The following DHRS7B variants were observed in gnomAD, a reference collection of about 807,000 sequenced individuals.
The protein encoded by DHRS7B is dehydrogenase/reductase 7B.
Under a neutral mutation model 26.4 loss-of-function variants are expected in DHRS7B, and 24 were observed. That is an observed-to-expected ratio of 0.91 (90% CI 0.66 to 1.28). The LOEUF (loss-of-function observed/expected upper bound fraction) is 1.28. Among genes scored for constraint, DHRS7B ranks in the 50% most tolerant of loss-of-function variants. The pLI is 0.00. For missense variants in DHRS7B, 368 were observed against 419.4 expected (o/e 0.88, Z 1.07); for synonymous variants, 142 against 166.4 (o/e 0.85, Z 1.13).
chr17:21,156,425 G>C (rs553550953), intron 1 of DHRS7B, among the ~76,000 whole-genome samples: 2 of 152,084 alleles, frequency 1.3e-5, no homozygotes, highest in African/African-American at 4.8e-5. Flanking sequence ...GGCCAACATG[G>C]TGAAACCACA....
At chr17:21,159,699 CT>C (rs1973958393) in intron 1 of DHRS7B, among the ~76,000 whole-genome samples, 4 of 151,674 alleles carry the variant, frequency 2.6e-5, no homozygotes, top group Admixed American at 1.3e-4. Context: ...TGGCAAGACC[CT>C]GTCTCTGCAA....
chr17:21,146,369 C>G (rs957840837), intron 1 of DHRS7B, among the ~76,000 whole-genome samples: 1 of 152,138 alleles, frequency 6.6e-6, no homozygotes, highest in East Asian at 1.9e-4. Context: ...CTACTGCACT[C>G]CAGCCTGGGT....
intron 1 of DHRS7B, among the ~76,000 whole-genome samples, chr17:21,156,478 AC>A (rs1973883073): frequency 1.3e-5 from 2 of 151,758 alleles, no homozygotes; most frequent in South Asian, 4.2e-4. Context: ...GGTGTTGTGC[AC>A]CTGTAATCCC....
At position 21,172,163 on chromosome 17, in the gene DHRS7B, G is replaced by GTGA; in HGVS notation, c.168_170dup (p.Val56_Ile57insMet). On this transcript the variant is annotated inframe_insertion, in exon 2 of 7. Transcript: ENST00000395511. ...GGCCTACCTGCGGAATGCTGTGGTG[G>GTGA]TGATCACAGGCGCCACCTCAGGGCT... 1 of 1,613,672 alleles carries GTGA rather than the reference G, an allele frequency of 6.2e-7. No homozygotes were observed. The highest frequency in any genetic ancestry group is 8.5e-7 in the Non-Finnish European group (1 of 1,179,790).
intron 1 of DHRS7B, among the ~76,000 whole-genome samples, chr17:21,138,075 A>AATAT (rs1215794776): frequency 9.3e-4 from 31 of 33,234 alleles, no homozygotes; most frequent in Non-Finnish European, 1.5e-3. Context: ...TTAAAAAAAA[A>AATAT]ATATATATAT....
At chr17:21,163,718 T>A (rs557274264) in intron 1 of DHRS7B, among the ~76,000 whole-genome samples, 1 of 152,286 alleles carries the variant, frequency 6.6e-6, no homozygotes, top group African/African-American at 2.4e-5. Flanking sequence ...TCTTGTTGAT[T>A]CACTGATATC....
intron 2 of DHRS7B, among the ~76,000 whole-genome samples, chr17:21,176,142 C>T (rs1365064474): frequency 6.6e-6 from 1 of 151,994 alleles, no homozygotes. Context: ...AGGCATGCGC[C>T]ACCACACCTG....
At chr17:21,166,078 G>A (rs1421216248) in intron 1 of DHRS7B, 2 of 881,852 alleles carry the variant, frequency 2.3e-6, no homozygotes, top group African/African-American at 1.8e-5. Context: ...CCGCACTCCT[G>A]TGCCATCATA....
intron 1 of DHRS7B, among the ~76,000 whole-genome samples, chr17:21,152,458 G>A (rs948352756): frequency 1.3e-5 from 2 of 152,130 alleles, no homozygotes; most frequent in African/African-American, 4.8e-5. Flanking sequence ...CCCAGCCCAG[G>A]TGTTTCTTTA....
chr17:21,149,445 G>A (rs1032226904), intron 1 of DHRS7B, among the ~76,000 whole-genome samples: 5 of 152,138 alleles, frequency 3.3e-5, no homozygotes, highest in East Asian at 1.9e-4. Context: ...AGTTAAGTAC[G>A]TGGACAAACC....
intron 5 of DHRS7B, among the ~76,000 whole-genome samples, chr17:21,185,531 A>G (rs1330912293): frequency 6.6e-6 from 1 of 152,196 alleles, no homozygotes; most frequent in African/African-American, 2.4e-5. Context: ...ATGCTTGTAC[A>G]TGCATGATTT....
At chr17:21,139,117 T>G (rs367898286) in intron 1 of DHRS7B, among the ~76,000 whole-genome samples, 1 of 152,200 alleles carries the variant, frequency 6.6e-6, no homozygotes, top group Middle Eastern at 3.2e-3. Context: ...ACTTATAGTT[T>G]AGCTTTGAAA....
intron 1 of DHRS7B, among the ~76,000 whole-genome samples, chr17:21,158,239 C>G (rs1973923379): frequency 6.6e-6 from 1 of 152,188 alleles, no homozygotes; most frequent in African/African-American, 2.4e-5. Context: ...ACCCAAATCT[C>G]ATATTGAATC....
intron 5 of DHRS7B, 102 bp downstream of exon 5, chr17:21,184,565 A>G: frequency 8.3e-7 from 1 of 1,204,130 alleles, no homozygotes; most frequent in Admixed American, 2.3e-5. Flanking sequence ...GTAGAAATAA[A>G]CTATCCAGAA....
intron 1 of DHRS7B, among the ~76,000 whole-genome samples, chr17:21,140,535 C>CACACACACACACCCTG (rs1555536404): frequency 2.7e-5 from 4 of 149,770 alleles, no homozygotes; most frequent in South Asian, 4.3e-4. Flanking sequence ...CACACACACA[C>CACACACACACACCCTG]ACACCCTGAC....
chr17:21,174,654 C>A (rs554407533), intron 2 of DHRS7B, among the ~76,000 whole-genome samples: 54 of 152,356 alleles, frequency 3.5e-4, no homozygotes, highest in South Asian at 6.2e-4. Flanking sequence ...AGGCAGTCAT[C>A]TCCCCAAAGC....
intron 1 of DHRS7B, among the ~76,000 whole-genome samples, chr17:21,160,888 A>G (rs1000231815): frequency 6.6e-6 from 1 of 152,224 alleles, no homozygotes; most frequent in African/African-American, 2.4e-5. Flanking sequence ...CTAAAAAAAA[A>G]TGAGCTATGA....
At chr17:21,164,046 T>TTTTTTTTTTTTTTTA (rs1974057627) in intron 1 of DHRS7B, among the ~76,000 whole-genome samples, 1 of 147,644 alleles carries the variant, frequency 6.8e-6, no homozygotes, top group African/African-American at 2.5e-5. Context: ...TTTTTTTTTT[T>TTTTTTTTTTTTTTTA]GAGACAGGGT....
At chr17:21,167,185 G>T (rs1421150731) in intron 1 of DHRS7B, among the ~76,000 whole-genome samples, 2 of 152,106 alleles carry the variant, frequency 1.3e-5, no homozygotes, top group East Asian at 1.9e-4. Context: ...GGTTCCAGAA[G>T]CCCTTTAAAG....
Sources: gnomAD v4.1 joint callset for allele counts (sites outside exome capture counted in the v4.1 genomes callset) on GRCh38, gnomAD v4.1.1 for gene constraint, MANE v1.5 for transcripts, NCBI Gene and HGNC (gene_info 2026-07-23, HGNC 2026-07-21) for gene names.